Variants in CCSER1 observed in about 807,000 individuals in gnomAD.
The protein encoded by CCSER1 is serine-rich coiled-coil domain-containing protein 1.
In CCSER1, 41 loss-of-function variants were observed where a neutral mutation model predicts 82.0. The ratio of observed to expected loss-of-function variants is 0.50; its 90% confidence interval spans 0.39 to 0.65. CCSER1 has a LOEUF of 0.65. CCSER1 is among the 30% of genes least tolerant of loss of function. The pLI is 0.00. For synonymous variants in CCSER1, 414 were observed against 383.9 expected (o/e 1.08, Z -0.92); for missense variants, 1,119 against 1,064.2 (o/e 1.05, Z -0.72).
At chr4:91,576,871 C>A (rs1205345192) in intron 10 of CCSER1, among the ~76,000 whole-genome samples, 5 of 151,884 alleles carry the variant, frequency 3.3e-5, no homozygotes, top group Non-Finnish European at 4.4e-5. Context: ...ATATTTTCAG[C>A]ACACAAAGGT....
At chr4:91,390,970 CTTAG>C (rs1450717715) in intron 10 of CCSER1, among the ~76,000 whole-genome samples, 6 of 151,790 alleles carry the variant, frequency 4.0e-5, no homozygotes, top group Admixed American at 6.6e-5. Context: ...GTCTTTTTTT[CTTAG>C]TTAGCTTAGC....
chr4:90,567,609 A>G (rs1384600442), intron 5 of CCSER1, among the ~76,000 whole-genome samples: 1 of 123,662 alleles, frequency 8.1e-6, no homozygotes, highest in East Asian at 2.4e-4. Context: ...TTTTTTAATG[A>G]TTTTTTTTTT....
At chr4:90,626,053 T>C (rs1339708915) in intron 5 of CCSER1, among the ~76,000 whole-genome samples, 1 of 152,144 alleles carries the variant, frequency 6.6e-6, no homozygotes, top group Non-Finnish European at 1.5e-5. Context: ...ACAGGAATTA[T>C]AGAAATATAA....
At chr4:90,958,519 C>A (rs1733746897) in intron 9 of CCSER1, among the ~76,000 whole-genome samples, 1 of 151,240 alleles carries the variant, frequency 6.6e-6, no homozygotes, top group Admixed American at 6.6e-5. Context: ...CACTGACATT[C>A]TGGAGCAGGC....
chr4:91,072,210 T>C lies in CCSER1; in HGVS notation c.2173-13740T>C, dbSNP rs76947811. ...GCATGGAAGTGCTAATCTAGTTTAA[T>C]ATTTTAGTTAGCCTTAAGCAACAAT... On this transcript the variant is annotated intron_variant, in intron 9 of 10. Coordinates refer to ENST00000509176, the MANE Select transcript of CCSER1 (RefSeq NM_001145065.2). Among the ~76,000 whole-genome samples, 805 of 152,282 alleles carry C rather than the reference T, an allele frequency of 5.3e-3. 7 individuals carry two copies. Among genetic ancestry groups the C allele is most frequent in the African/African-American group, 0.017 (700 of 41,586 alleles).
At chr4:90,597,029 T>C (rs918838099) in intron 5 of CCSER1, among the ~76,000 whole-genome samples, 46 of 151,982 alleles carry the variant, frequency 3.0e-4, no homozygotes, top group African/African-American at 1.1e-3. Context: ...TCATGATTAG[T>C]TAGTGCTAAT....
At chr4:90,910,832 G>C (rs1472829626) in intron 8 of CCSER1, among the ~76,000 whole-genome samples, 2 of 151,990 alleles carry the variant, frequency 1.3e-5, no homozygotes, top group African/African-American at 2.4e-5. Context: ...CTTTTCCTGA[G>C]GTATGGGGAC....
chr4:91,068,553 C>A (rs1721085031), intron 9 of CCSER1, among the ~76,000 whole-genome samples: 1 of 152,098 alleles, frequency 6.6e-6, no homozygotes. Context: ...AATAGAGTTT[C>A]TCAGATAGTA....
chr4:91,329,127 T>C (rs1326298502), intron 10 of CCSER1, among the ~76,000 whole-genome samples: 1 of 152,190 alleles, frequency 6.6e-6, no homozygotes, highest in African/African-American at 2.4e-5. Context: ...AATACTCTTG[T>C]ATTAGTATAA....
intron 7 of CCSER1, among the ~76,000 whole-genome samples, chr4:90,774,398 A>G (rs1752626631): frequency 6.6e-6 from 1 of 152,130 alleles, no homozygotes; most frequent in Non-Finnish European, 1.5e-5. Context: ...TGGTTAAGAA[A>G]TGCTATTTGA....
chr4:90,269,854 C>A (rs1725933513), intron 1 of CCSER1, among the ~76,000 whole-genome samples: 1 of 151,914 alleles, frequency 6.6e-6, no homozygotes, highest in Non-Finnish European at 1.5e-5. Context: ...ACAATTGATA[C>A]CGCAAAAATT....
At position 90,640,847 on chromosome 4, in the gene CCSER1, C is replaced by A. The variant is rs143265495; in HGVS notation, c.1932+12615C>A. On this transcript the variant is annotated intron_variant, in intron 6 of 10. Transcript: ENST00000509176. The stretch of plus-strand genomic sequence containing the variant: ...GACTGTAAGTTTTCTGAGGCCTCCC[C>A]AGCCATGCTGAATTATGAGTCAAAC... Among the ~76,000 whole-genome samples the A allele has an allele frequency of 2.8e-3, 426 of 152,298 alleles. 1 individual carries two copies. The highest frequency in any genetic ancestry group is 9.7e-3 in the African/African-American group (405 of 41,566).
At chr4:91,271,666 T>C (rs958339323) in intron 10 of CCSER1, among the ~76,000 whole-genome samples, 5 of 151,998 alleles carry the variant, frequency 3.3e-5, no homozygotes, top group African/African-American at 4.8e-5. Context: ...TATACACACA[T>C]ATATATATGA....
chr4:91,440,297 G>C (rs7679300), intron 10 of CCSER1, among the ~76,000 whole-genome samples: 115,460 of 151,764 alleles, frequency 0.76, 44,231 homozygotes, highest in East Asian at 0.92. Flanking sequence ...AACTAGAACT[G>C]AGGATTAAGA....
chr4:90,203,196 A>AT (rs1259505904), intron 1 of CCSER1, among the ~76,000 whole-genome samples: 2 of 151,894 alleles, frequency 1.3e-5, no homozygotes, highest in African/African-American at 2.4e-5. Context: ...GTAGTTGATG[A>AT]TTTTTTCTTT....
intron 5 of CCSER1, among the ~76,000 whole-genome samples, chr4:90,612,346 CG>C: frequency 6.6e-6 from 1 of 152,060 alleles, no homozygotes; most frequent in Non-Finnish European, 1.5e-5. Context: ...ATTTGGAGAA[CG>C]GGGTATATTT....
chr4:90,135,666 G>A (rs1039535930), intron 1 of CCSER1, among the ~76,000 whole-genome samples: 5 of 152,206 alleles, frequency 3.3e-5, no homozygotes, highest in African/African-American at 1.2e-4. Context: ...TGCAGTTGTA[G>A]TACCAGTTTA....
chr4:91,207,231 A>T (rs1736420609), intron 10 of CCSER1, among the ~76,000 whole-genome samples: 1 of 151,866 alleles, frequency 6.6e-6, no homozygotes, highest in Non-Finnish European at 1.5e-5. Flanking sequence ...CTTTTATTTT[A>T]TGTTCAGGTG....
intron 5 of CCSER1, among the ~76,000 whole-genome samples, chr4:90,551,706 C>CTCTCTCTATATATATATATATATATA: frequency 4.8e-5 from 5 of 104,220 alleles, no homozygotes; most frequent in African/African-American, 1.4e-4. Flanking sequence ...CTCTCTCTCT[C>CTCTCTCTATATATATATATATATATA]TATATATATA....
Sources: gnomAD v4.1 joint callset for allele counts (sites outside exome capture counted in the v4.1 genomes callset) on GRCh38, gnomAD v4.1.1 for gene constraint, MANE v1.5 for transcripts, NCBI Gene and HGNC (gene_info 2026-07-23, HGNC 2026-07-21) for gene names.